The following WIPF1 variants were observed in gnomAD, a reference collection of about 807,000 sequenced individuals.
WIPF1 encodes WAS/WASL-interacting protein family member 1.
Under a neutral mutation model 35.4 loss-of-function variants are expected in WIPF1, and 13 were observed. The observed-to-expected ratio is 0.37, with a 90% CI of 0.24 to 0.58. The LOEUF is 0.58. WIPF1 is among the 20% of genes least tolerant of loss of function. The pLI is 0.74. For missense variants in WIPF1, 591 were observed against 667.0 expected (o/e 0.89, Z 1.25); for synonymous variants, 267 against 266.3 (o/e 1.00, Z -0.02).
chr2:174,635,544 T>G (rs1009741630), intron 1 of WIPF1, among the ~76,000 whole-genome samples: 1 of 148,440 alleles, frequency 6.7e-6, no homozygotes, highest in South Asian at 2.2e-4. Flanking sequence ...TTTTTTTTTT[T>G]TTTTTTTTTT....
upstream of WIPF1, among the ~76,000 whole-genome samples, chr2:174,601,124 G>A (rs930163836): frequency 1.1e-4 from 16 of 151,346 alleles, no homozygotes; most frequent in Admixed American, 5.3e-4. Flanking sequence ...ACGGGGTTTC[G>A]CCATGTTGGC....
rs147385270 is a variant in WIPF1 at position 174,591,939 on chromosome 2, T to G, written c.-39+5662A>C. On this transcript the variant is annotated intron_variant, in intron 1 of 7. Transcript: ENST00000679041. ...AGAGAAAGAGAACTGCTCAGCCCACTCCCAACAGTACAGGGGACACATTCT... is the reference window on the plus strand; with the variant it reads ...AGAGAAAGAGAACTGCTCAGCCCACGCCCAACAGTACAGGGGACACATTCT... Among the ~76,000 whole-genome samples, 518 of 152,244 alleles carry G rather than the reference T, an allele frequency of 3.4e-3. 1 individual carries two copies. Among genetic ancestry groups the G allele is most frequent in the African/African-American group, 0.012 (493 of 41,526 alleles).
intron 4 of WIPF1, chr2:174,574,927 C>T (rs776787164): frequency 1.4e-6 from 1 of 715,536 alleles, no homozygotes. Context: ...CCTTTTCTTC[C>T]CACTCCAGCT....
chr2:174,660,704 T>A (rs1687740740), intron 1 of WIPF1, among the ~76,000 whole-genome samples: 1 of 152,130 alleles, frequency 6.6e-6, no homozygotes, highest in Non-Finnish European at 1.5e-5. Flanking sequence ...GAGGGTGGAC[T>A]GGATCAGACC....
intron 1 of WIPF1, among the ~76,000 whole-genome samples, chr2:174,615,982 C>T (rs1686496222): frequency 6.6e-6 from 1 of 152,136 alleles, no homozygotes; most frequent in Non-Finnish European, 1.5e-5. Context: ...TACTGCCATC[C>T]CTCAGTCATC....
At chr2:174,677,323 CT>C (rs1688155059) in intron 1 of WIPF1, among the ~76,000 whole-genome samples, 1 of 152,172 alleles carries the variant, frequency 6.6e-6, no homozygotes, top group South Asian at 2.1e-4. Flanking sequence ...ATAAACCATC[CT>C]TTAACAAACA....
At chr2:174,611,236 T>C (rs558893046) in intron 1 of WIPF1, among the ~76,000 whole-genome samples, 1 of 152,250 alleles carries the variant, frequency 6.6e-6, no homozygotes, top group Admixed American at 6.5e-5. Flanking sequence ...GCTCATATTA[T>C]ATTATGAAGA....
At chr2:174,603,562 T>C (rs1686069685) in intron 1 of WIPF1, among the ~76,000 whole-genome samples, 1 of 152,212 alleles carries the variant, frequency 6.6e-6, no homozygotes, top group Non-Finnish European at 1.5e-5. Flanking sequence ...ATGGATTCAC[T>C]GGAAAAGCAT....
chr2:174,654,043 C>T (rs2105965515), intron 1 of WIPF1, among the ~76,000 whole-genome samples: 1 of 152,320 alleles, frequency 6.6e-6, no homozygotes, highest in Non-Finnish European at 1.5e-5. Context: ...TTTAAAAATC[C>T]TCCTCTACTT....
At position 174,593,189 on chromosome 2, in the gene WIPF1, A is replaced by G. The variant is rs184119193; in HGVS notation, c.-39+4412T>C. On this transcript the variant is annotated intron_variant, in intron 1 of 7. Coordinates refer to ENST00000679041, the MANE Select transcript of WIPF1 (RefSeq NM_001375834.1). ...AGGTAACTCTTTGTTATTTTGATACATGTCCTTCCAGCTTATAAGTACATG... is the reference window on the plus strand; with the variant it reads ...AGGTAACTCTTTGTTATTTTGATACGTGTCCTTCCAGCTTATAAGTACATG... Among the ~76,000 whole-genome samples the G allele has an allele frequency of 2.1e-3, 316 of 152,228 alleles. 2 individuals carry two copies. Among genetic ancestry groups the G allele is most frequent in the African/African-American group, 6.9e-3 (285 of 41,534 alleles).
intron 1 of WIPF1, among the ~76,000 whole-genome samples, chr2:174,588,814 A>G (rs1685513468): frequency 6.6e-6 from 1 of 152,114 alleles, no homozygotes. Flanking sequence ...CAGTGGGGAG[A>G]GGGTCTACGG....
chr2:174,655,268 G>A (rs540334749), intron 1 of WIPF1, among the ~76,000 whole-genome samples: 3 of 152,004 alleles, frequency 2.0e-5, no homozygotes, highest in African/African-American at 7.2e-5. Context: ...TCCCTTGCCC[G>A]GCCTTCTGTA....
At chr2:174,644,150 T>C (rs1687351938) in intron 1 of WIPF1, among the ~76,000 whole-genome samples, 1 of 152,178 alleles carries the variant, frequency 6.6e-6, no homozygotes, top group Admixed American at 6.5e-5. Flanking sequence ...TCTTAATTAG[T>C]ATAGTACCCT....
At chr2:174,620,104 C>T (rs376545681) in intron 1 of WIPF1, among the ~76,000 whole-genome samples, 4 of 152,264 alleles carry the variant, frequency 2.6e-5, no homozygotes, top group South Asian at 4.1e-4. Context: ...GGGCCATTTG[C>T]GTGTTTATTA....
intron 1 of WIPF1, chr2:174,676,314 T>TC (rs1688130867): frequency 5.5e-4 from 55 of 100,328 alleles, no homozygotes; most frequent in Middle Eastern, 5.5e-3. Flanking sequence ...CTCCCTCCCT[T>TC]CTTTTTTTTT....
chr2:174,605,236 C>T (rs1440691875), intron 1 of WIPF1, among the ~76,000 whole-genome samples: 1 of 152,114 alleles, frequency 6.6e-6, no homozygotes, highest in Non-Finnish European at 1.5e-5. Flanking sequence ...AGTTCGAGAC[C>T]AATCTGACCA....
At chr2:174,607,275 C>T (rs111765532) in intron 1 of WIPF1, among the ~76,000 whole-genome samples, 1,856 of 151,954 alleles carry the variant, frequency 0.012, 53 homozygotes, top group African/African-American at 0.043. Flanking sequence ...TGGTGGCGGG[C>T]GCCTGTAATC....
chr2:174,565,375 A>G (rs1246733203), intron 7 of WIPF1, among the ~76,000 whole-genome samples: 3 of 152,210 alleles, frequency 2.0e-5, no homozygotes, highest in African/African-American at 4.8e-5. Flanking sequence ...AAATTTTCCT[A>G]TATTTTCTAA....
At chr2:174,678,807 G>C (rs2105997566) in intron 1 of WIPF1, among the ~76,000 whole-genome samples, 1 of 152,358 alleles carries the variant, frequency 6.6e-6, no homozygotes, top group East Asian at 1.9e-4. Flanking sequence ...CTGCGGGCTG[G>C]CAGCCCCTCA....
Sources: gnomAD v4.1 joint callset for allele counts (sites outside exome capture counted in the v4.1 genomes callset) on GRCh38, gnomAD v4.1.1 for gene constraint, MANE v1.5 for transcripts, NCBI Gene and HGNC (gene_info 2026-07-23, HGNC 2026-07-21) for gene names.